The following EVC variants were observed in gnomAD, a reference collection of about 807,000 sequenced individuals.
EVC encodes evC complex member EVC.
Under a neutral mutation model 118.9 loss-of-function variants are expected in EVC, and 116 were observed. The ratio of observed to expected loss-of-function variants is 0.98; its 90% CI spans 0.84 to 1.14. The LOEUF is 1.14. EVC is among the 50% of genes most tolerant of loss of function. The pLI, the probability that EVC is intolerant of heterozygous loss-of-function variation, is 0.00. For synonymous variants in EVC, 619 were observed against 534.7 expected, an observed-to-expected ratio of 1.16 and a Z score of -2.18; for missense variants, 1,401 against 1,246.4, an observed-to-expected ratio of 1.12 and a Z score of -1.87.
intron 1 of EVC, among the ~76,000 whole-genome samples, chr4:5,712,003 T>G (rs1350605925): frequency 6.6e-6 from 1 of 152,218 alleles, no homozygotes; most frequent in African/African-American, 2.4e-5. Context: ...ATTCATTTTT[T>G]CATTCACCCC....
At chr4:5,759,252 G>C (rs374247039) in intron 11 of EVC, among the ~76,000 whole-genome samples, 20 of 121,182 alleles carry the variant, frequency 1.7e-4, no homozygotes, top group Non-Finnish European at 1.7e-5. Flanking sequence ...TGCAGGAGAC[G>C]TTGCCTACTG....
intron 1 of EVC, among the ~76,000 whole-genome samples, chr4:5,713,380 C>T (rs1723363894): frequency 6.6e-6 from 1 of 152,146 alleles, no homozygotes; most frequent in Admixed American, 6.5e-5. Context: ...TGGCTGCCTG[C>T]AAAAGATAAT....
intron 11 of EVC, among the ~76,000 whole-genome samples, chr4:5,783,279 C>T (rs573928845): frequency 6.6e-6 from 1 of 152,002 alleles, no homozygotes. Context: ...TGTCTGCATG[C>T]ATATGTGTAT....
intron 15 of EVC, chr4:5,801,671 CAAAAAAAAAA>C (rs35554149): frequency 1.2e-5 from 3 of 247,846 alleles, no homozygotes; most frequent in African/African-American, 4.1e-5. Context: ...GTCTCCATCT[CAAAAAAAAAA>C]AAAAAAAAAA....
chr4:5,723,770 C>G (rs1025122199), intron 2 of EVC, among the ~76,000 whole-genome samples: 1 of 152,138 alleles, frequency 6.6e-6, no homozygotes, highest in African/African-American at 2.4e-5. Context: ...GGCTGGTGGA[C>G]TCTGCTGTCA....
chr4:5,810,564 G>A (rs914105819), intron 20 of EVC, 114 bp downstream of exon 20: 1 of 804,578 alleles, frequency 1.2e-6, no homozygotes, highest in African/African-American at 1.7e-5. Flanking sequence ...GGCATTAAAT[G>A]TGAAGGTTCA....
chr4:5,795,051 C>A (rs1713687573), intron 13 of EVC, among the ~76,000 whole-genome samples: 1 of 152,160 alleles, frequency 6.6e-6, no homozygotes, highest in Non-Finnish European at 1.5e-5. Context: ...CATGTTACTG[C>A]AAATAACATG....
At position 5,757,002 on chromosome 4, in the gene EVC, T is replaced by G. The variant is rs184067378; in HGVS notation, c.1563+640T>G. Among the ~76,000 whole-genome samples the G allele has an allele frequency of 4.6e-5, 7 of 152,288 alleles. No individual in the cohort carries two copies. The East Asian group carries it at 9.7e-4, about 21-fold the overall frequency. On this transcript the variant is annotated intron_variant, in intron 11 of 20. Transcript: ENST00000264956. ...TCAACCAGTGGGTGTTGGGCAGCACTGGGAGGAGGAGAGGGCCTGGGTCTG... is the reference window on the plus strand; with the variant it reads ...TCAACCAGTGGGTGTTGGGCAGCACGGGGAGGAGGAGAGGGCCTGGGTCTG...
rs141139367 is a variant in EVC, at chr4:5,777,297, C to T, written c.1564-6255C>T. On this transcript the variant is annotated intron_variant, in intron 11 of 20. Coordinates refer to ENST00000264956, the MANE Select transcript of EVC (RefSeq NM_153717.3). Reference sequence around the variant, plus strand: ...TGACTCCAGGTTACAGTTTGTATAACGAGTCTGGACTGGTTCCCTTCCATT... The same window carrying T: ...TGACTCCAGGTTACAGTTTGTATAATGAGTCTGGACTGGTTCCCTTCCATT... Among the ~76,000 whole-genome samples, 329 of 152,210 alleles carry T rather than the reference C, an allele frequency of 2.2e-3. 1 individual carries two copies. The highest frequency in any genetic ancestry group is 6.3e-3 in the African/African-American group (263 of 41,506).
intron 13 of EVC, 38 bp downstream of exon 13, chr4:5,793,755 C>G (rs1713235593): frequency 1.4e-6 from 2 of 1,455,834 alleles, no homozygotes; most frequent in Non-Finnish European, 1.9e-6. Flanking sequence ...GCTTTGTGTC[C>G]TGCATGATGC....
At chr4:5,818,679 A>G (rs1265212955), downstream of EVC, among the ~76,000 whole-genome samples, 2 of 152,204 alleles carry the variant, frequency 1.3e-5, no homozygotes, top group African/African-American at 2.4e-5. Context: ...CCCCCTCACC[A>G]TGTGATGCCC....
Position 5,754,926 on chromosome 4 carries a change from T to G in EVC, c.1464+993T>G, listed in dbSNP as rs1170326083. 6.6e-6 allele frequency among the ~76,000 whole-genome samples: 1 copy of G among 151,958 alleles called. No homozygotes were observed. The highest frequency in any genetic ancestry group is 1.5e-5 in the Non-Finnish European group (1 of 67,960). The stretch of plus-strand genomic sequence containing the variant: ...GCCAAGGGGTGGGTGGCACCATGTC[T>G]GGGTCCAGGCTCAGCCCAGAATAGA... On this transcript the variant is annotated intron_variant, in intron 10 of 20. Coordinates refer to ENST00000264956, the MANE Select transcript of EVC (RefSeq NM_153717.3). This position sits in a 1 kb window ranked among gnomAD's most constrained non-coding sequence, Gnocchi z 5.8.
rs561100383 is a variant in EVC, at chr4:5,765,487, A to G, written c.1563+9125A>G. 1.7e-5 allele frequency among the ~76,000 whole-genome samples: 2 copies of G among 119,932 alleles called. 1 individual carries two copies. Among genetic ancestry groups the G allele is most frequent in the African/African-American group, 6.5e-5 (2 of 30,884 alleles). 78.7% of individuals were successfully genotyped at this position (119,932 alleles called of 152,430 possible). A position where few individuals can be genotyped will look rare whatever the true frequency, so the allele number is the denominator to read the frequency against. On this transcript the variant is annotated intron_variant, in intron 11 of 20. Transcript: ENST00000264956. ...AACTTTCTGTCTCATTGATCTGTCT[A>G]ATGTTGACAGTGGGGTGTTAAAGTC...
intron 8 of EVC, among the ~76,000 whole-genome samples, chr4:5,752,243 G>T (rs1577436873): frequency 6.6e-6 from 1 of 152,144 alleles, no homozygotes; most frequent in East Asian, 1.9e-4. Flanking sequence ...GGTGTGCAGG[G>T]CCCTTGGCTG....
At chr4:5,747,213 C>T (rs1043534344) in intron 7 of EVC, among the ~76,000 whole-genome samples, 1 of 104,814 alleles carries the variant, frequency 9.5e-6, no homozygotes. Flanking sequence ...GCAGTTGAGG[C>T]TGACAGAGTT....
Position 5,797,046 on chromosome 4 carries a change from G to T in EVC, c.1911G>T (p.Gly637=), listed in dbSNP as rs746048526. The T allele has an allele frequency of 8.7e-6, 14 of 1,613,254 alleles. No homozygotes were observed. The South Asian group carries it at 1.4e-4, about 16-fold the overall frequency. ...TEESTRCVLQ[G]HDLLLRSALR... ...GGTCCACGCGGTGTGTCCTGCAGGG[G>T]CATGACCTGCTGTTGCGCTCAGCCC... Residue 637 remains glycine, a synonymous_variant, in exon 14 of 21, where the codon GGG becomes GGT. Transcript: ENST00000264956.
rs561852174 is a variant in EVC, at chr4:5,804,825, C to G, written c.2545C>G (p.Gln849Glu). ...RTAGGAHETS[Q>E]AVHQRMLSQQ... ...GGCAGGTGGCGCTCATGAGACCTCC[C>G]AGGCGGTCCACCAGAGGTGAGGTCC... Residue 849 changes from glutamine to glutamate, a missense_variant, in exon 17 of 21, where the codon CAG becomes GAG. Coordinates refer to ENST00000264956, the MANE Select transcript of EVC (RefSeq NM_153717.3). 4 of 1,614,054 alleles carry G rather than the reference C, an allele frequency of 2.5e-6. No individual in the cohort carries two copies. The South Asian group carries it at 4.4e-5, about 18-fold the overall frequency.
the EVC span, among the ~76,000 whole-genome samples, chr4:5,828,885 C>T: frequency 6.6e-6 from 1 of 152,144 alleles, no homozygotes; most frequent in South Asian, 2.1e-4. Context: ...CGGTGGCTTT[C>T]TATAATCAAA....
chr4:5,745,051 A>C (rs988502346), intron 6 of EVC, among the ~76,000 whole-genome samples, 153 bp from the exon 7 acceptor site: 11 of 151,896 alleles, frequency 7.2e-5, no homozygotes, highest in African/African-American at 2.4e-4. Flanking sequence ...AAAATGGGTC[A>C]AACCTCATGT....
Sources: gnomAD v4.1 joint callset for allele counts (sites outside exome capture counted in the v4.1 genomes callset) on GRCh38, gnomAD v4.1.1 for gene constraint, Gnocchi (gnomAD v3.1) non-coding constraint, MANE v1.5 for transcripts, NCBI Gene and HGNC (gene_info 2026-07-23, HGNC 2026-07-21) for gene names.